PCDH15: variants seen among roughly 807,000 people sequenced by gnomAD.
PCDH15 encodes protocadherin related 15, also known as protocadherin-15.
PCDH15 carries 129 observed loss-of-function variants against 178.5 expected under a neutral mutation model. The ratio of observed to expected loss-of-function variants is 0.72; its 90% CI spans 0.63 to 0.84. The LOEUF is 0.84. PCDH15 is among the 40% of genes least tolerant of loss of function. The pLI is 0.00. For missense variants in PCDH15, 2,230 were observed against 2,099.9 expected, an observed-to-expected ratio of 1.06 and a Z score of -1.21; for synonymous variants, 800 against 732.0, an observed-to-expected ratio of 1.09 and a Z score of -1.50.
chr10:54,256,095 G>C (rs1437984751), intron 8 of PCDH15, among the ~76,000 whole-genome samples: 1 of 152,112 alleles, frequency 6.6e-6, no homozygotes, highest in Non-Finnish European at 1.5e-5. Flanking sequence ...CATGCCACCA[G>C]CCTGCTCCCA....
chr10:54,215,870 C>T (rs1317897515), intron 9 of PCDH15, among the ~76,000 whole-genome samples: 1 of 151,010 alleles, frequency 6.6e-6, no homozygotes, highest in Non-Finnish European at 1.5e-5. Context: ...TGAAAGCCCG[C>T]CTCTACTAAA....
intron 1 of PCDH15, among the ~76,000 whole-genome samples, chr10:55,308,927 T>G (rs968368392): frequency 1.3e-5 from 2 of 152,298 alleles, no homozygotes; most frequent in Admixed American, 1.3e-4. Flanking sequence ...AGCAATATAT[T>G]TACTCCTTTT....
intron 15 of PCDH15, among the ~76,000 whole-genome samples, chr10:54,100,222 G>A (rs12098517): frequency 0.038 from 5,764 of 151,952 alleles, 353 homozygotes; most frequent in African/African-American, 0.13. Context: ...AAAATTTGCC[G>A]GGCGTAGTGG....
At chr10:55,334,331 G>C (rs1225939870) in intron 2 of PCDH15, among the ~76,000 whole-genome samples, 3 of 141,142 alleles carry the variant, frequency 2.1e-5, no homozygotes, top group African/African-American at 5.4e-5. Flanking sequence ...TTTTGAGACA[G>C]AGTTTCGCTC....
At chr10:54,517,327 A>C (rs1224514370) in intron 3 of PCDH15, among the ~76,000 whole-genome samples, 4 of 152,194 alleles carry the variant, frequency 2.6e-5, no homozygotes, top group African/African-American at 9.7e-5. Flanking sequence ...TCTCATGTGC[A>C]GAGACACACA....
intron 28 of PCDH15, among the ~76,000 whole-genome samples, chr10:53,852,009 T>C (rs2078413051): frequency 1.3e-5 from 2 of 151,914 alleles, no homozygotes; most frequent in Admixed American, 1.3e-4. Flanking sequence ...AAGTTGTCAG[T>C]TCCGATTCAT....
chr10:54,697,818 G>GA lies in PCDH15; in HGVS notation c.-28-33529dup, dbSNP rs2095256546. Among the ~76,000 whole-genome samples, 3 of 151,722 alleles carry GA rather than the reference G, an allele frequency of 2.0e-5. No individual in the cohort carries two copies. The South Asian group carries it at 6.2e-4, about 31-fold the overall frequency. On this transcript the variant is annotated intron_variant, in intron 1 of 37. Transcript: ENST00000644397. ...GAGAGTGAAAAAAAGAAAAAGAAAAGAAAAAATAGCCAGGAAGACTGTTCT... is the reference window on the plus strand; with the variant it reads ...GAGAGTGAAAAAAAGAAAAAGAAAAGAAAAAAATAGCCAGGAAGACTGTTCT...
intron 27 of PCDH15, among the ~76,000 whole-genome samples, chr10:53,857,860 T>C (rs1211041839): frequency 1.3e-5 from 2 of 152,082 alleles, no homozygotes; most frequent in Non-Finnish European, 2.9e-5. Context: ...GAATTTCTTC[T>C]ATGTTCTTAT....
At chr10:55,049,728 T>C (rs1841110449) in intron 2 of PCDH15, among the ~76,000 whole-genome samples, 1 of 151,972 alleles carries the variant, frequency 6.6e-6, no homozygotes, top group Non-Finnish European at 1.5e-5. Flanking sequence ...AATTTAAAAA[T>C]CTATTTGTAA....
chr10:55,340,951 G>A (rs1159110202), intron 2 of PCDH15, among the ~76,000 whole-genome samples: 1 of 151,696 alleles, frequency 6.6e-6, no homozygotes, highest in Non-Finnish European at 1.5e-5. Context: ...AAATACCCCA[G>A]GATTCCAAAA....
chr10:55,083,836 A>G (rs1842100593), intron 2 of PCDH15, among the ~76,000 whole-genome samples: 1 of 151,820 alleles, frequency 6.6e-6, no homozygotes, highest in Admixed American at 6.6e-5. Context: ...AAATAAAACA[A>G]GACACCCAGA....
chr10:54,319,135 C>T (rs1426648535), intron 7 of PCDH15, among the ~76,000 whole-genome samples: 1 of 152,154 alleles, frequency 6.6e-6, no homozygotes, highest in Non-Finnish European at 1.5e-5. Flanking sequence ...AATGTTTTTA[C>T]TTTCACAGCA....
chr10:54,122,874 TA>T (rs34113865), intron 15 of PCDH15, among the ~76,000 whole-genome samples: 93,134 of 143,570 alleles, frequency 0.65, 29,957 homozygotes, highest in East Asian at 0.97. Context: ...AAAACACTGC[TA>T]AAAAAAAAAA....
At chr10:54,233,887 C>T (rs1024184456) in intron 9 of PCDH15, among the ~76,000 whole-genome samples, 4 of 152,162 alleles carry the variant, frequency 2.6e-5, no homozygotes, top group Non-Finnish European at 4.4e-5. Flanking sequence ...ATGTTCATGA[C>T]AGTAGAACCA....
At chr10:53,822,090 G>A (rs1338012767) in intron 32 of PCDH15, 1 of 1,613,906 alleles carries the variant, frequency 6.2e-7, no homozygotes, top group Non-Finnish European at 8.5e-7. Context: ...GATGCCTTTT[G>A]GTTCTCTCTG....
At chr10:54,412,109 TGAGGAACTGACAATAGATG>T (rs1332241659) in intron 3 of PCDH15, among the ~76,000 whole-genome samples, 2 of 151,910 alleles carry the variant, frequency 1.3e-5, no homozygotes, top group Admixed American at 6.6e-5. Context: ...CAAAAGAGCC[TGAGGAACTGACAATAGATG>T]GAGGAACTGA....
chr10:54,139,130 G>C (rs1416871564), intron 14 of PCDH15, among the ~76,000 whole-genome samples: 2 of 152,080 alleles, frequency 1.3e-5, no homozygotes, highest in East Asian at 3.9e-4. Context: ...GTTTGGCATA[G>C]AAGGTTATAG....
intron 26 of PCDH15, among the ~76,000 whole-genome samples, chr10:53,896,757 C>T (rs577698802): frequency 6.6e-6 from 1 of 152,188 alleles, no homozygotes; most frequent in Admixed American, 6.5e-5. Flanking sequence ...CTTATAGGAA[C>T]ATAAACCCTA....
intron 8 of PCDH15, among the ~76,000 whole-genome samples, chr10:54,284,827 A>C (rs1373655351): frequency 6.6e-6 from 1 of 152,132 alleles, no homozygotes; most frequent in Non-Finnish European, 1.5e-5. Context: ...GAGAGTAAAA[A>C]ATTAATCAGG....
Sources: gnomAD v4.1 joint callset for allele counts (sites outside exome capture counted in the v4.1 genomes callset) on GRCh38, gnomAD v4.1.1 for gene constraint, MANE v1.5 for transcripts, NCBI Gene and HGNC (gene_info 2026-07-23, HGNC 2026-07-21) for gene names.